Variants in KIAA1671 observed in about 807,000 individuals in gnomAD.
KIAA1671 encodes the protein uncharacterized protein KIAA1671.
KIAA1671 carries 52 observed loss-of-function variants against 131.2 expected under a neutral mutation model. The observed-to-expected ratio is 0.40, with a 90% CI of 0.32 to 0.50. KIAA1671 has a LOEUF of 0.50. Ranked by LOEUF, KIAA1671 falls within the 20% of genes least tolerant of loss-of-function variation. The probability of loss-of-function intolerance (pLI) is 0.73; values close to 1 mark genes in which losing one functional copy is unlikely to be tolerated. For missense variants in KIAA1671, 2,360 were observed against 2,364.2 expected, an observed-to-expected ratio of 1.00 and a Z score of 0.04; for synonymous variants, 1,003 against 961.6, an observed-to-expected ratio of 1.04 and a Z score of -0.80.
chr22:25,039,944 C>A lies in KIAA1671; in HGVS notation c.2814C>A (p.Gly938=). The A allele has an allele frequency of 3.9e-6, 6 of 1,551,294 alleles. No individual in the cohort carries two copies. Among genetic ancestry groups the A allele is most frequent in the Non-Finnish European group, 4.4e-6 (5 of 1,146,856 alleles). ...PQPAVRMRKA[G]AMDQRMDRWR... ...CTGCAGTCAGAATGCGGAAAGCCGGCGCCATGGACCAGAGAATGGACAGAT... is the reference window on the plus strand; with the variant it reads ...CTGCAGTCAGAATGCGGAAAGCCGGAGCCATGGACCAGAGAATGGACAGAT... The change falls in exon 5 of 13, where the codon GGC becomes GGA. Residue 938 remains glycine (G), a synonymous_variant. Transcript: ENST00000358431.
At chr22:24,988,430 T>C (rs1923669253) in intron 1 of KIAA1671, among the ~76,000 whole-genome samples, 1 of 152,076 alleles carries the variant, frequency 6.6e-6, no homozygotes. Flanking sequence ...AAAATCACTA[T>C]TTATGTTAGT....
intron 6 of KIAA1671, among the ~76,000 whole-genome samples, chr22:25,121,290 A>G (rs144433570): frequency 0.074 from 11,225 of 151,918 alleles, 1,338 homozygotes; most frequent in African/African-American, 0.25. Context: ...GTGAAAACCT[A>G]TCTCTACTAA....
chr22:24,965,751 A>G (rs1263289144), intron 1 of KIAA1671, among the ~76,000 whole-genome samples: 7 of 151,700 alleles, frequency 4.6e-5, no homozygotes, highest in Non-Finnish European at 7.4e-5. Flanking sequence ...AAAAAAAAAA[A>G]AAAAAAAAAA....
intron 1 of KIAA1671, among the ~76,000 whole-genome samples, chr22:24,995,274 G>A (rs982971972): frequency 5.3e-5 from 8 of 151,226 alleles, no homozygotes; most frequent in South Asian, 4.2e-4. Flanking sequence ...GGATGGTCTC[G>A]ATCTCCTGAC....
At chr22:25,120,859 A>G (rs1482512984) in intron 6 of KIAA1671, among the ~76,000 whole-genome samples, 3 of 152,188 alleles carry the variant, frequency 2.0e-5, no homozygotes, top group Non-Finnish European at 1.5e-5. Flanking sequence ...GTCTGGCTGG[A>G]CATTTGGGTA....
chr22:25,048,236 AG>A (rs1355206793), intron 5 of KIAA1671, among the ~76,000 whole-genome samples: 1 of 152,226 alleles, frequency 6.6e-6, no homozygotes, highest in African/African-American at 2.4e-5. Flanking sequence ...TTGAGTGAGC[AG>A]TGGGATCTCC....
chr22:25,077,166 C>T (rs73159904), intron 6 of KIAA1671, among the ~76,000 whole-genome samples: 278 of 152,248 alleles, frequency 1.8e-3, no homozygotes, highest in Middle Eastern at 6.8e-3. Flanking sequence ...TGGCACTAGG[C>T]GAGGCGGGGC....
At chr22:25,137,273 CT>C (rs1460545811) in intron 6 of KIAA1671, among the ~76,000 whole-genome samples, 1 of 151,574 alleles carries the variant, frequency 6.6e-6, no homozygotes, top group Non-Finnish European at 1.5e-5. Context: ...GAAATTGTTA[CT>C]TTTTTTTTCA....
At chr22:24,968,719 T>C (rs1922437339) in intron 1 of KIAA1671, among the ~76,000 whole-genome samples, 1 of 152,206 alleles carries the variant, frequency 6.6e-6, no homozygotes, top group Non-Finnish European at 1.5e-5. Flanking sequence ...CAGACTTTTA[T>C]TGATTACATA....
chr22:25,117,134 C>T lies in KIAA1671; in HGVS notation c.4531-53686C>T, dbSNP rs144091644. Among the ~76,000 whole-genome samples the T allele has an allele frequency of 6.6e-5, 10 of 152,276 alleles. No homozygotes were observed. The East Asian group carries it at 1.7e-3, about 27-fold the overall frequency. On this transcript the variant is annotated intron_variant, in intron 6 of 12. Coordinates refer to ENST00000358431, the MANE Select transcript of KIAA1671 (RefSeq NM_001145206.2). The stretch of plus-strand genomic sequence containing the variant: ...GTCTCTTGGGGGCAGAATCACAATG[C>T]CCCCTCCCAGCCCCCATCCAGGTTT...
chr22:25,177,490 C>T lies in KIAA1671; in HGVS notation c.5042C>T (p.Thr1681Ile), dbSNP rs1426638128. 1.3e-6 allele frequency: 2 copies of T among 1,551,542 alleles called. No individual in the cohort carries two copies. The highest frequency in any genetic ancestry group is 2.7e-5 in the African/African-American group (2 of 73,058). Residue 1681 changes from threonine to isoleucine, a missense_variant, in exon 9 of 13, where the codon ACT becomes ATT. By Grantham distance (89) the Thr-to-Ile change is moderately conservative. This residue lies in a region of KIAA1671 where 1,161 missense variants were observed against 1,204.7 expected (regional missense o/e 0.96). Transcript: ENST00000358431. ...SESRSPLEDETDNTWMFKDST... is the reference protein window; with the variant it reads ...SESRSPLEDEIDNTWMFKDST... The stretch of plus-strand genomic sequence containing the variant: ...AGCAGATCACCTTTGGAGGATGAGA[C>T]TGACAACACGTGGATGTTCAAAGAC...
intron 5 of KIAA1671, among the ~76,000 whole-genome samples, chr22:25,045,892 C>T (rs1602095811): frequency 6.6e-6 from 1 of 152,066 alleles, no homozygotes. Flanking sequence ...CACCCGGCCT[C>T]CCCTTCCTCT....
chr22:24,975,052 A>C (rs539679971), intron 1 of KIAA1671, among the ~76,000 whole-genome samples: 1 of 152,234 alleles, frequency 6.6e-6, no homozygotes, highest in Admixed American at 6.5e-5. Context: ...ATTCATAGAT[A>C]TGTGCAACTC....
intron 1 of KIAA1671, among the ~76,000 whole-genome samples, chr22:24,988,259 A>G (rs1182791475): frequency 2.1e-5 from 3 of 145,662 alleles, no homozygotes; most frequent in African/African-American, 7.8e-5. Context: ...CAGCTTGGGC[A>G]ACAAGAGTGA....
chr22:25,056,441 T>C (rs1223318084), intron 6 of KIAA1671: 1 of 149,396 alleles, frequency 6.7e-6, no homozygotes, highest in African/African-American at 2.4e-5. Flanking sequence ...TTACCAGCTA[T>C]GTGACTTTGA....
intron 6 of KIAA1671, among the ~76,000 whole-genome samples, chr22:25,097,657 G>A (rs951209675): frequency 2.6e-5 from 4 of 151,512 alleles, no homozygotes; most frequent in Non-Finnish European, 5.9e-5. Flanking sequence ...GGAGAATGGC[G>A]TGAACCTGGG....
At chr22:25,093,834 G>GTCTCTCTCTCTTTCTCTCTCTCTC (rs1568951583) in intron 6 of KIAA1671, among the ~76,000 whole-genome samples, 1 of 16,940 alleles carries the variant, frequency 5.9e-5, no homozygotes, top group African/African-American at 3.3e-4. Flanking sequence ...TTCTCTCTCT[G>GTCTCTCTCTCTTTCTCTCTCTCTC]TCTGTCTCTC....
intron 6 of KIAA1671, among the ~76,000 whole-genome samples, chr22:25,131,579 G>A (rs1398458136): frequency 6.6e-6 from 1 of 152,222 alleles, no homozygotes; most frequent in South Asian, 2.1e-4. Flanking sequence ...TCAGGCTGAT[G>A]TCACCCTGGG....
Position 25,028,856 on chromosome 22 carries a change from A to C in KIAA1671, c.857A>C (p.Asp286Ala), listed in dbSNP as rs1926111877. ...WVRKPRPLSM[D>A]LTARFENKEA... ...AGGAAGCCCAGGCCCTTGTCCATGG[A>C]CCTCACGGCCCGGTTTGAGAACAAA... Residue 286 changes from aspartate (D) to alanine (A), a missense_variant, in exon 3 of 13, where the codon GAC (aspartate) becomes GCC (alanine). This residue lies in a region of KIAA1671 where 1,185 missense variants were observed against 1,126.2 expected (regional missense o/e 1.05). Coordinates refer to ENST00000358431, the MANE Select transcript of KIAA1671 (RefSeq NM_001145206.2). 1.4e-5 allele frequency: 21 copies of C among 1,550,798 alleles called. No homozygotes were observed. Among genetic ancestry groups the C allele is most frequent in the Non-Finnish European group, 1.8e-5 (21 of 1,146,820 alleles).
Sources: gnomAD v4.1 joint callset for allele counts (sites outside exome capture counted in the v4.1 genomes callset) on GRCh38, gnomAD v4.1.1 for gene constraint, gnomAD v4.1.1 regional missense constraint, MANE v1.5 for transcripts, NCBI Gene and HGNC (gene_info 2026-07-23, HGNC 2026-07-21) for gene names.